PCDHGA9: variants seen among roughly 807,000 people sequenced by gnomAD.
PCDHGA9 encodes protocadherin gamma subfamily A, 9, also known as protocadherin gamma-A9.
PCDHGA9 carries 37 observed loss-of-function variants against 62.5 expected under a neutral mutation model. That is an observed-to-expected ratio of 0.59 (90% CI 0.46 to 0.78). The LOEUF (loss-of-function observed/expected upper bound fraction) is 0.78, where lower values mean the gene tolerates loss of function less well. PCDHGA9 is among the 30% of genes least tolerant of loss of function. PCDHGA9 has a pLI of 0.00. For synonymous variants in PCDHGA9, 459 were observed against 484.6 expected, an observed-to-expected ratio of 0.95 and a Z score of 0.69; for missense variants, 1,138 against 1,166.2, an observed-to-expected ratio of 0.98 and a Z score of 0.35.
intron 1 of PCDHGA9, chr5:141,408,616 A>C (rs1242634693): frequency 6.2e-7 from 1 of 1,614,052 alleles, no homozygotes. Flanking sequence ...AAAAGGAAAT[A>C]CATTTAGAAA....
At chr5:141,454,320 C>G (rs140074578) in intron 1 of PCDHGA9, among the ~76,000 whole-genome samples, 4 of 152,148 alleles carry the variant, frequency 2.6e-5, no homozygotes, top group Admixed American at 2.6e-4. Context: ...ATTGAAACCT[C>G]CAAGAATAAA....
rs994726301 is a variant in PCDHGA9, at chr5:141,476,632, T to C, written c.2425-18175T>C. ...TGGGAAGCAACTCTTTACAAACCTA[T>C]GAGCTGAGCCGAAATGAATACTTTG... On this transcript the variant is annotated intron_variant, in intron 1 of 3. Transcript: ENST00000573521. The surrounding 1 kb of genome is among the most constrained non-coding windows in gnomAD (Gnocchi z 7.6). The C allele has an allele frequency of 8.7e-6, 14 of 1,614,098 alleles. No homozygotes were observed. Among genetic ancestry groups the C allele is most frequent in the Admixed American group, 1.7e-5 (1 of 60,016 alleles).
At position 141,497,209 on chromosome 5, in the gene PCDHGA9, T is replaced by TG. The variant is rs11343387; in HGVS notation, c.2483+2353dup. On this transcript the variant is annotated intron_variant, in intron 2 of 3. Coordinates refer to ENST00000573521, the MANE Select transcript of PCDHGA9 (RefSeq NM_018921.3). ...GAGGCAGAGAACAATGTGAGTGTAA[T>TG]GGGGGGGGGAAGATCAGAGAAGGCT... Among the ~76,000 whole-genome samples the TG allele has an allele frequency of 1.3e-3, 196 of 151,342 alleles. 1 individual carries two copies. The South Asian group carries it at 0.02, about 15-fold the overall frequency.
At chr5:141,455,159 G>GT (rs1390145608) in intron 1 of PCDHGA9, among the ~76,000 whole-genome samples, 2,419 of 144,948 alleles carry the variant, frequency 0.017, 50 homozygotes, top group African/African-American at 0.056. Context: ...TTAGTTTGTT[G>GT]GTTTTTTTTT....
intron 1 of PCDHGA9, among the ~76,000 whole-genome samples, chr5:141,459,176 T>C (rs2098962762): frequency 6.6e-6 from 1 of 152,210 alleles, no homozygotes. Context: ...CTTCAAAAGT[T>C]CCCTCATGCC....
At chr5:141,506,865 G>T (rs1403350484) in intron 3 of PCDHGA9, among the ~76,000 whole-genome samples, 1 of 152,186 alleles carries the variant, frequency 6.6e-6, no homozygotes, top group African/African-American at 2.4e-5. Flanking sequence ...GGACTGGTGG[G>T]TAGAGAACCA....
intron 1 of PCDHGA9, chr5:141,410,112 C>T (rs775292594): frequency 1.9e-6 from 3 of 1,612,566 alleles, no homozygotes; most frequent in East Asian, 4.5e-5. Context: ...GACAGGGACG[C>T]AGCCCGCCAG....
rs111458813 is a variant in PCDHGA9 at position 141,483,648 on chromosome 5, TTG to T, written c.2425-11139_2425-11138del. Among the ~76,000 whole-genome samples, 82 of 149,502 alleles carry T rather than the reference TTG, an allele frequency of 5.5e-4. 1 individual carries two copies. The highest frequency in any genetic ancestry group is 2.5e-3 in the Admixed American group (37 of 14,990). Reference sequence around the variant, plus strand: ...GGAGAAGGTATAGAGGGGTGTGTGTTTGTGTGTGTGTGTGTGTGTGTAAAAGA... The same window carrying T: ...GGAGAAGGTATAGAGGGGTGTGTGTTTGTGTGTGTGTGTGTGTGTAAAAGA... On this transcript the variant is annotated intron_variant, in intron 1 of 3. Transcript: ENST00000573521.
intron 1 of PCDHGA9, among the ~76,000 whole-genome samples, chr5:141,457,319 G>A (rs914658873): frequency 7.9e-5 from 12 of 152,086 alleles, no homozygotes; most frequent in East Asian, 3.8e-4. Flanking sequence ...AGAAACCTCC[G>A]GGTTACAGGT....
At chr5:141,429,726 C>T (rs931967000) in intron 1 of PCDHGA9, among the ~76,000 whole-genome samples, 23 of 152,068 alleles carry the variant, frequency 1.5e-4, no homozygotes, top group Admixed American at 1.3e-4. Flanking sequence ...CATGAAAGTA[C>T]GTAGCCAGTT....
chr5:141,471,562 G>T (rs2099259935), intron 1 of PCDHGA9: 1 of 152,136 alleles, frequency 6.6e-6, no homozygotes, highest in Non-Finnish European at 1.5e-5. Flanking sequence ...TTGACTCAGG[G>T]GTAGCAGTAG....
At chr5:141,410,295 T>A (rs1043971768) in intron 1 of PCDHGA9, 1 of 1,613,982 alleles carries the variant, frequency 6.2e-7, no homozygotes, top group Admixed American at 1.7e-5. Flanking sequence ...GCCTTGGCCT[T>A]AATCTCAGTG....
Position 141,491,248 on chromosome 5 carries a change from G to T in PCDHGA9, c.2425-3559G>T, listed in dbSNP as rs757712577. On this transcript the variant is annotated intron_variant, in intron 1 of 3. Transcript: ENST00000573521. The surrounding 1 kb of genome is among the most constrained non-coding windows in gnomAD (Gnocchi z 6.9). ...AGTGCTGCTGGTTCTGGAGGATGAG[G>T]ACCCTGAGGAAATGCCCAAATCCAG... 3 of 1,614,170 alleles carry T rather than the reference G, an allele frequency of 1.9e-6. No individual in the cohort carries two copies. Among genetic ancestry groups the T allele is most frequent in the Non-Finnish European group, 2.5e-6 (3 of 1,180,018 alleles).
chr5:141,405,553 T>G, intron 1 of PCDHGA9, 177 bp downstream of exon 1: 1 of 619,004 alleles, frequency 1.6e-6, no homozygotes, highest in Non-Finnish European at 2.8e-6. Flanking sequence ...CCAAGTAGAG[T>G]AGCTGGGACT....
In PCDHGA9 at chr5:141,431,339, T is replaced by A. The variant is rs1374646530; in HGVS notation, c.2424+25963T>A. 7.4e-6 allele frequency: 12 copies of A among 1,613,942 alleles called. No homozygotes were observed. In the Admixed American group the frequency reaches 1.2e-4, roughly 16 times the overall value. ...AGCCGACGGTAGTAAGTACCCCGAA[T>A]TGGTGCTGAAACGCGCCCTGGACCG... On this transcript the variant is annotated intron_variant, in intron 1 of 3. Coordinates refer to ENST00000573521, the MANE Select transcript of PCDHGA9 (RefSeq NM_018921.3). This position sits in a 1 kb window ranked among gnomAD's most constrained non-coding sequence, Gnocchi z 4.8.
At chr5:141,434,392 CA>C (rs1377925864) in intron 1 of PCDHGA9, among the ~76,000 whole-genome samples, 2 of 152,210 alleles carry the variant, frequency 1.3e-5, no homozygotes, top group Non-Finnish European at 2.9e-5. Context: ...TGGCCATAAA[CA>C]AAATCTCTGC....
chr5:141,418,804 T>A, intron 1 of PCDHGA9: 2 of 1,613,836 alleles, frequency 1.2e-6, no homozygotes, highest in Non-Finnish European at 1.7e-6. Flanking sequence ...TAGAAAGATA[T>A]ACGATAAACA....
rs556656447 is a variant in PCDHGA9 at position 141,500,319 on chromosome 5, C to CT, written c.2484-5073dup. Among the ~76,000 whole-genome samples the CT allele has an allele frequency of 2.6e-5, 4 of 152,122 alleles. No homozygotes were observed. The South Asian group carries it at 8.3e-4, about 32-fold the overall frequency. Reference sequence around the variant, plus strand: ...CGCCTCCCAGGTTCACGCCATGCTCCTGCCTCAGCCTCCAGAATAGCTGGG... The same window carrying CT: ...CGCCTCCCAGGTTCACGCCATGCTCCTTGCCTCAGCCTCCAGAATAGCTGGG... On this transcript the variant is annotated intron_variant, in intron 2 of 3. Coordinates refer to ENST00000573521, the MANE Select transcript of PCDHGA9 (RefSeq NM_018921.3).
chr5:141,489,470 T>C lies in PCDHGA9; in HGVS notation c.2425-5337T>C, dbSNP rs1030378524. 1 of 1,613,874 alleles carries C rather than the reference T, an allele frequency of 6.2e-7. No homozygotes were observed. The highest frequency in any genetic ancestry group is 8.5e-7 in the Non-Finnish European group (1 of 1,179,838). ...GAGGAGAATGGGCGCTATTTTTCCCTGAGCTTGATGAGTGGTGCCCTGGCA... is the reference window on the plus strand; with the variant it reads ...GAGGAGAATGGGCGCTATTTTTCCCCGAGCTTGATGAGTGGTGCCCTGGCA... On this transcript the variant is annotated intron_variant, in intron 1 of 3. Transcript: ENST00000573521. This position sits in a 1 kb window ranked among gnomAD's most constrained non-coding sequence, Gnocchi z 4.5.
Sources: allele counts gnomAD v4.1 joint callset (sites outside exome capture counted in the v4.1 genomes callset), GRCh38; gene constraint gnomAD v4.1.1; non-coding constraint Gnocchi (gnomAD v3.1); transcripts MANE v1.5; gene names NCBI Gene and HGNC (gene_info 2026-07-23, HGNC 2026-07-21).